EPHA3: variants seen among roughly 807,000 people sequenced by gnomAD.
The protein encoded by EPHA3 is ephrin type-A receptor 3.
In EPHA3, 42 loss-of-function variants were observed where a neutral mutation model predicts 107.1. The ratio of observed to expected loss-of-function variants is 0.39; its 90% confidence interval spans 0.31 to 0.51. The LOEUF (loss-of-function observed/expected upper bound fraction) is 0.51, where lower values mean the gene tolerates loss of function less well. Among genes scored for constraint, EPHA3 ranks in the 20% least tolerant of loss-of-function variants. The pLI is 0.78. For synonymous variants in EPHA3, 461 were observed against 424.8 expected, an observed-to-expected ratio of 1.09 and a Z score of -1.05; for missense variants, 1,183 against 1,211.2, an observed-to-expected ratio of 0.98 and a Z score of 0.35.
At chr3:89,136,330 C>CTT (rs67054298) in intron 2 of EPHA3, among the ~76,000 whole-genome samples, 1,039 of 23,346 alleles carry the variant, frequency 0.045, 292 homozygotes, top group African/African-American at 0.16. Flanking sequence ...ATCTTACAGG[C>CTT]TTTTTTTTTT....
At chr3:89,303,445 CAA>C (rs67736700) in intron 3 of EPHA3, among the ~76,000 whole-genome samples, 3 of 114,570 alleles carry the variant, frequency 2.6e-5, no homozygotes, top group Non-Finnish European at 5.7e-5. Context: ...TATAAAAAGG[CAA>C]AAAAAAAAAA....
intron 3 of EPHA3, among the ~76,000 whole-genome samples, chr3:89,219,449 C>T (rs1355405295): frequency 4.6e-5 from 7 of 152,020 alleles, no homozygotes; most frequent in Non-Finnish European, 7.4e-5. Flanking sequence ...AGGCATGAGC[C>T]TCCGTGCCCT....
intron 3 of EPHA3, among the ~76,000 whole-genome samples, chr3:89,325,470 C>G (rs773658447): frequency 3.3e-5 from 5 of 152,156 alleles, no homozygotes; most frequent in Non-Finnish European, 5.9e-5. Context: ...CCTGATAACA[C>G]TTAATGTAGA....
At chr3:89,289,276 G>A (rs544217276) in intron 3 of EPHA3, among the ~76,000 whole-genome samples, 54 of 152,214 alleles carry the variant, frequency 3.5e-4, no homozygotes, top group African/African-American at 1.2e-3. Context: ...CTGAGGCTTG[G>A]TTCTGCCTTT....
At chr3:89,373,776 G>T (rs1365265004) in intron 5 of EPHA3, among the ~76,000 whole-genome samples, 1 of 151,748 alleles carries the variant, frequency 6.6e-6, no homozygotes, top group Non-Finnish European at 1.5e-5. Context: ...TTCCATCCTG[G>T]ATCAGGCTTC....
At chr3:89,380,521 TCTTA>T (rs1269980641) in intron 5 of EPHA3, among the ~76,000 whole-genome samples, 4 of 152,168 alleles carry the variant, frequency 2.6e-5, no homozygotes, top group African/African-American at 9.7e-5. Flanking sequence ...CATTTTCTTT[TCTTA>T]CTTATACGAA....
chr3:89,174,707 A>T (rs967663305), intron 2 of EPHA3, among the ~76,000 whole-genome samples: 1 of 151,986 alleles, frequency 6.6e-6, no homozygotes, highest in South Asian at 2.1e-4. Flanking sequence ...TTACTTTTTA[A>T]AATTAACCAC....
chr3:89,211,804 T>C (rs1193715819), intron 3 of EPHA3, among the ~76,000 whole-genome samples: 1 of 111,690 alleles, frequency 9.0e-6, no homozygotes, highest in Non-Finnish European at 1.8e-5. Context: ...CTTCTTCTTC[T>C]TCTTCTTCTT....
At chr3:89,307,539 C>T (rs369619995) in intron 3 of EPHA3, among the ~76,000 whole-genome samples, 6 of 152,068 alleles carry the variant, frequency 3.9e-5, no homozygotes, top group East Asian at 3.9e-4. Flanking sequence ...AGTAACAGTG[C>T]TAATGTTTGT....
At chr3:89,328,121 C>G (rs1421062579) in intron 3 of EPHA3, among the ~76,000 whole-genome samples, 2 of 151,724 alleles carry the variant, frequency 1.3e-5, no homozygotes, top group Non-Finnish European at 2.9e-5. Context: ...AAGAAAAAAA[C>G]AGAAAAAACT....
intron 5 of EPHA3, among the ~76,000 whole-genome samples, chr3:89,381,033 C>T (rs951826745): frequency 2.0e-5 from 3 of 151,962 alleles, no homozygotes; most frequent in African/African-American, 7.2e-5. Flanking sequence ...AGTGCAATGG[C>T]GCCATCTCGG....
intron 5 of EPHA3, among the ~76,000 whole-genome samples, chr3:89,383,648 T>C (rs911024238): frequency 5.2e-5 from 7 of 135,524 alleles, no homozygotes; most frequent in African/African-American, 1.9e-4. Context: ...TCTTTTTTTT[T>C]TTTTTTTTTT....
intron 3 of EPHA3, among the ~76,000 whole-genome samples, chr3:89,212,492 T>C (rs1704124938): frequency 6.6e-6 from 1 of 152,066 alleles, no homozygotes; most frequent in South Asian, 2.1e-4. Flanking sequence ...ATTTGGATAT[T>C]TCATATTTTT....
intron 3 of EPHA3, among the ~76,000 whole-genome samples, chr3:89,211,010 T>A (rs1413322735): frequency 1.3e-5 from 2 of 152,124 alleles, no homozygotes; most frequent in South Asian, 2.1e-4. Context: ...ATCAAATACA[T>A]GTTTACTTAC....
At chr3:89,246,308 T>C (rs1156650843) in intron 3 of EPHA3, among the ~76,000 whole-genome samples, 1 of 152,204 alleles carries the variant, frequency 6.6e-6, no homozygotes, top group Admixed American at 6.5e-5. Flanking sequence ...AGAGAAATCC[T>C]CCCAGGAAAG....
At chr3:89,420,724 T>C (rs1048893328) in intron 11 of EPHA3, among the ~76,000 whole-genome samples, 37 of 151,464 alleles carry the variant, frequency 2.4e-4, no homozygotes, top group African/African-American at 8.9e-4. Flanking sequence ...GGGATTTTAG[T>C]GTCATTTAGC....
chr3:89,447,842 C>G (rs1335436647), intron 13 of EPHA3, among the ~76,000 whole-genome samples: 2 of 152,134 alleles, frequency 1.3e-5, no homozygotes, highest in African/African-American at 4.8e-5. Flanking sequence ...GGCTTAGAAA[C>G]TTGTCCCCTA....
At chr3:89,451,019 G>A (rs1185747869) in intron 15 of EPHA3, among the ~76,000 whole-genome samples, 1 of 152,032 alleles carries the variant, frequency 6.6e-6, no homozygotes, top group African/African-American at 2.4e-5. Context: ...ATATTGCACT[G>A]GCTAGCAAAA....
chr3:89,354,606 T>A (rs1301987779), intron 5 of EPHA3, among the ~76,000 whole-genome samples: 1 of 151,258 alleles, frequency 6.6e-6, no homozygotes, highest in African/African-American at 2.4e-5. Flanking sequence ...TGACATTCTA[T>A]ACCATTCGCA....
Sources: gnomAD v4.1 joint callset for allele counts (sites outside exome capture counted in the v4.1 genomes callset) on GRCh38, gnomAD v4.1.1 for gene constraint, MANE v1.5 for transcripts, NCBI Gene and HGNC (gene_info 2026-07-23, HGNC 2026-07-21) for gene names.